The following EGFR variants were observed in gnomAD, a reference collection of about 807,000 sequenced individuals.
EGFR encodes avian erythroblastic leukemia viral (v-erb-b) oncogene homolog.
A neutral mutation model predicts 143.0 loss-of-function variants in EGFR; 58 were observed. That is an observed-to-expected ratio of 0.41 (90% CI 0.33 to 0.50). The LOEUF (loss-of-function observed/expected upper bound fraction) is 0.50. Among genes scored for constraint, EGFR ranks in the 20% least tolerant of loss-of-function variants. The pLI is 0.39. For synonymous variants in EGFR, 613 were observed against 594.4 expected (o/e 1.03, Z -0.45); for missense variants, 1,307 against 1,579.0 (o/e 0.83, Z 2.92).
chr7:55,122,160 G>A (rs972309611), intron 1 of EGFR, among the ~76,000 whole-genome samples: 2 of 152,144 alleles, frequency 1.3e-5, no homozygotes, highest in Non-Finnish European at 2.9e-5. Context: ...CCAGTCTTCG[G>A]GCCACATTTC....
chr7:55,202,983 C>T (rs1248892594), intron 27 of EGFR: 1 of 531,450 alleles, frequency 1.9e-6, no homozygotes, highest in Non-Finnish European at 3.3e-6. Flanking sequence ...GATTTGATCC[C>T]TGTTCTCTCT....
intron 1 of EGFR, among the ~76,000 whole-genome samples, chr7:55,088,829 C>T (rs955807767): frequency 6.6e-6 from 1 of 152,186 alleles, no homozygotes; most frequent in Non-Finnish European, 1.5e-5. Flanking sequence ...GGAGACTGGC[C>T]ATCCAGCCTC....
chr7:55,116,914 A>G (rs2128911128), intron 1 of EGFR, among the ~76,000 whole-genome samples: 1 of 152,304 alleles, frequency 6.6e-6, no homozygotes, highest in Non-Finnish European at 1.5e-5. Flanking sequence ...CAATGGACAT[A>G]TGGGTTCTTT....
intron 20 of EGFR, among the ~76,000 whole-genome samples, chr7:55,190,896 C>A (rs1787365466): frequency 6.6e-6 from 1 of 152,284 alleles, no homozygotes; most frequent in Admixed American, 6.5e-5. Flanking sequence ...CAGTTGGGCT[C>A]AGCAAGGTAG....
intron 16 of EGFR, among the ~76,000 whole-genome samples, chr7:55,171,679 A>C (rs764136536): frequency 2.6e-5 from 4 of 152,104 alleles, no homozygotes; most frequent in Admixed American, 2.0e-4. Flanking sequence ...GCAAAGGCAA[A>C]AGGGCTTCCT....
At chr7:55,153,968 T>C (rs1339061338) in intron 6 of EGFR, 43 bp from the exon 7 acceptor site, 2 of 1,613,982 alleles carry the variant, frequency 1.2e-6, no homozygotes, top group African/African-American at 1.3e-5. Context: ...TGGCGCTGAG[T>C]GTACTTACCT....
intron 19 of EGFR, among the ~76,000 whole-genome samples, chr7:55,178,841 T>C (rs1274684880): frequency 6.6e-6 from 1 of 152,230 alleles, no homozygotes; most frequent in Non-Finnish European, 1.5e-5. Flanking sequence ...TTTAAAGCTA[T>C]AGTTTTTGTT....
chr7:55,026,174 C>T (rs1786871900), intron 1 of EGFR, among the ~76,000 whole-genome samples: 1 of 152,138 alleles, frequency 6.6e-6, no homozygotes, highest in Admixed American at 6.5e-5. Flanking sequence ...GAGTGGATTA[C>T]ATGTTGTATG....
At chr7:55,134,030 A>G (rs1793998119) in intron 1 of EGFR, among the ~76,000 whole-genome samples, 1 of 152,242 alleles carries the variant, frequency 6.6e-6, no homozygotes, top group African/African-American at 2.4e-5. Context: ...AAGGAAAGCC[A>G]GGCCCAGCAC....
At chr7:55,145,825 G>A (rs894211598) in intron 3 of EGFR, among the ~76,000 whole-genome samples, 2 of 152,194 alleles carry the variant, frequency 1.3e-5, no homozygotes, top group Non-Finnish European at 2.9e-5. Context: ...TAGAGTGTGT[G>A]ACATGTCTGT....
At chr7:55,037,899 G>A (rs1277651067) in intron 1 of EGFR, among the ~76,000 whole-genome samples, 1 of 151,524 alleles carries the variant, frequency 6.6e-6, no homozygotes, top group Non-Finnish European at 1.5e-5. Context: ...AAGGATATTT[G>A]GCTACATGCT....
At chr7:55,184,447 G>T (rs1787041628) in intron 20 of EGFR, among the ~76,000 whole-genome samples, 1 of 152,154 alleles carries the variant, frequency 6.6e-6, no homozygotes, top group African/African-American at 2.4e-5. Flanking sequence ...GCCTGACCTA[G>T]ATAAGTGGAG....
chr7:55,131,396 G>A (rs905209659), intron 1 of EGFR, among the ~76,000 whole-genome samples: 1 of 151,996 alleles, frequency 6.6e-6, no homozygotes, highest in African/African-American at 2.4e-5. Context: ...AAAGCAAGCA[G>A]TGGACTGCTC....
intron 1 of EGFR, among the ~76,000 whole-genome samples, chr7:55,050,479 T>A (rs993827650): frequency 6.6e-6 from 1 of 152,252 alleles, no homozygotes; most frequent in African/African-American, 2.4e-5. Context: ...CACATTTCAT[T>A]TATCCATTCA....
chr7:55,069,243 AG>A (rs1407217526), intron 1 of EGFR, among the ~76,000 whole-genome samples: 1 of 152,240 alleles, frequency 6.6e-6, no homozygotes, highest in Non-Finnish European at 1.5e-5. Context: ...TCATGTAAAA[AG>A]GAATTTTATC....
intron 15 of EGFR, chr7:55,168,605 T>C: frequency 1.2e-6 from 2 of 1,605,272 alleles, no homozygotes; most frequent in Non-Finnish European, 1.7e-6. Flanking sequence ...CTCCCTTTGC[T>C]TCAAATAAAG....
At chr7:55,081,043 C>T (rs1387304195) in intron 1 of EGFR, among the ~76,000 whole-genome samples, 2 of 152,174 alleles carry the variant, frequency 1.3e-5, no homozygotes, top group Admixed American at 1.3e-4. Flanking sequence ...AGATTGAAAG[C>T]TCAATCCTGG....
At chr7:55,046,642 T>C (rs1426774989) in intron 1 of EGFR, among the ~76,000 whole-genome samples, 1 of 151,784 alleles carries the variant, frequency 6.6e-6, no homozygotes, top group Non-Finnish European at 1.5e-5. Context: ...AAGCTTGGAA[T>C]CTGCACTACG....
At chr7:55,064,219 C>T (rs973842402) in intron 1 of EGFR, among the ~76,000 whole-genome samples, 1 of 152,184 alleles carries the variant, frequency 6.6e-6, no homozygotes, top group Non-Finnish European at 1.5e-5. Flanking sequence ...TATGTAGTAT[C>T]CACAGGTCAT....
Sources: gnomAD v4.1 joint callset for allele counts (sites outside exome capture counted in the v4.1 genomes callset) on GRCh38, gnomAD v4.1.1 for gene constraint, MANE v1.5 for transcripts, NCBI Gene and HGNC (gene_info 2026-07-23, HGNC 2026-07-21) for gene names.